The following SETBP1 variants were observed in gnomAD, a reference collection of about 807,000 sequenced individuals.
SETBP1 encodes the protein SET binding protein 1, also known as SET-binding protein.
SETBP1 carries 9 observed loss-of-function variants against 101.0 expected under a neutral mutation model. That is an observed-to-expected ratio of 0.09 (90% CI 0.05 to 0.16). SETBP1 has a LOEUF of 0.16. Ranked by LOEUF, SETBP1 falls within the 10% of genes least tolerant of loss-of-function variation. SETBP1 has a pLI of 1.00. For synonymous variants in SETBP1, 818 were observed against 788.5 expected (o/e 1.04, Z -0.63); for missense variants, 1,858 against 2,033.8 (o/e 0.91, Z 1.66).
chr18:45,044,693 C>G (rs1568047822), intron 5 of SETBP1, among the ~76,000 whole-genome samples: 1 of 152,156 alleles, frequency 6.6e-6, no homozygotes, highest in African/African-American at 2.4e-5. Flanking sequence ...AAATCTGAAC[C>G]AAATTTCAAC....
At chr18:44,940,408 TA>T (rs1599352195) in intron 3 of SETBP1, among the ~76,000 whole-genome samples, 2 of 152,228 alleles carry the variant, frequency 1.3e-5, no homozygotes, top group East Asian at 3.8e-4. Context: ...TTAAGTTTAC[TA>T]TGTTGCTTGT....
At chr18:44,759,765 A>G (rs2070598281) in intron 2 of SETBP1, among the ~76,000 whole-genome samples, 4 of 152,248 alleles carry the variant, frequency 2.6e-5, no homozygotes, top group Admixed American at 2.0e-4. Flanking sequence ...TTTGAGCCTC[A>G]CATTCCTGTG....
intron 4 of SETBP1, among the ~76,000 whole-genome samples, chr18:45,019,975 G>T (rs1204516435): frequency 1.3e-5 from 2 of 152,048 alleles, no homozygotes; most frequent in African/African-American, 4.8e-5. Context: ...ACATTTAGTT[G>T]TGAGACCTTT....
At chr18:44,774,228 G>A (rs2070943602) in intron 2 of SETBP1, among the ~76,000 whole-genome samples, 1 of 152,206 alleles carries the variant, frequency 6.6e-6, no homozygotes, top group South Asian at 2.1e-4. Flanking sequence ...TCCTGGCACA[G>A]TCAGGAGAGT....
chr18:44,804,255 A>T (rs2071678089), intron 2 of SETBP1, among the ~76,000 whole-genome samples: 1 of 152,134 alleles, frequency 6.6e-6, no homozygotes, highest in Non-Finnish European at 1.5e-5. Context: ...ATTTCCATTC[A>T]GGTTATGAGG....
intron 5 of SETBP1, among the ~76,000 whole-genome samples, chr18:45,048,769 G>A (rs372486240): frequency 1.3e-5 from 2 of 150,644 alleles, no homozygotes; most frequent in Non-Finnish European, 3.0e-5. Context: ...TCAGGAGATC[G>A]AGACCATCCT....
intron 3 of SETBP1, among the ~76,000 whole-genome samples, chr18:44,917,732 A>T (rs984388841): frequency 8.5e-5 from 13 of 152,074 alleles, no homozygotes; most frequent in Non-Finnish European, 2.9e-5. Context: ...TGTCTGTTTC[A>T]TGCAGCAAAG....
intron 4 of SETBP1, among the ~76,000 whole-genome samples, chr18:45,013,494 C>CAGTG (rs1555645174): frequency 2.6e-5 from 4 of 151,666 alleles, no homozygotes; most frequent in African/African-American, 9.7e-5. Flanking sequence ...GGCTGGAGTG[C>CAGTG]AGTGGTGTGA....
At chr18:44,978,539 C>A (rs543468377) in intron 4 of SETBP1, among the ~76,000 whole-genome samples, 2 of 152,294 alleles carry the variant, frequency 1.3e-5, no homozygotes, top group Non-Finnish European at 2.9e-5. Flanking sequence ...CTTATGATAT[C>A]TGCCTCTGCC....
intron 2 of SETBP1, among the ~76,000 whole-genome samples, chr18:44,827,984 G>A (rs1357990665): frequency 6.6e-6 from 1 of 152,192 alleles, no homozygotes; most frequent in Non-Finnish European, 1.5e-5. Context: ...AAGAAAGGTG[G>A]TAACACTGCT....
At chr18:44,730,227 G>T (rs530245648) in intron 2 of SETBP1, among the ~76,000 whole-genome samples, 56 of 152,236 alleles carry the variant, frequency 3.7e-4, no homozygotes, top group Middle Eastern at 3.4e-3. Flanking sequence ...TATAATATAG[G>T]TTCTGCCCTC....
At chr18:44,927,183 G>GTC (rs1489379986) in intron 3 of SETBP1, among the ~76,000 whole-genome samples, 1 of 152,168 alleles carries the variant, frequency 6.6e-6, no homozygotes, top group Non-Finnish European at 1.5e-5. Context: ...AAAGCACCAT[G>GTC]TCTCGTCTAT....
intron 3 of SETBP1, among the ~76,000 whole-genome samples, chr18:44,872,624 C>A (rs527281995): frequency 1.3e-5 from 2 of 152,246 alleles, no homozygotes; most frequent in African/African-American, 4.8e-5. Flanking sequence ...ATCCAGGATG[C>A]AAAGAGCATT....
At position 44,897,219 on chromosome 18, in the gene SETBP1, C is replaced by G. The variant is rs16978219; in HGVS notation, c.540+27936C>G. On this transcript the variant is annotated intron_variant, in intron 3 of 5. Coordinates refer to ENST00000649279, the MANE Select transcript of SETBP1 (RefSeq NM_015559.3). ...TGAAACCCAAATTGGTGAGGTGTGG[C>G]CCACAGTCTGTGGCCACATAACTCA... is the stretch of plus-strand genomic sequence containing the variant. Among the ~76,000 whole-genome samples the G allele has an allele frequency of 6.6e-5, 10 of 152,242 alleles. No homozygotes were observed. In the East Asian group the frequency reaches 1.7e-3, roughly 27 times the overall value.
At chr18:44,733,507 G>A (rs2144412295) in intron 2 of SETBP1, among the ~76,000 whole-genome samples, 1 of 152,246 alleles carries the variant, frequency 6.6e-6, no homozygotes, top group East Asian at 1.9e-4. Context: ...GGAGTCTGGT[G>A]TTTTCTTTCC....
At chr18:44,821,521 A>G (rs1212740550) in intron 2 of SETBP1, among the ~76,000 whole-genome samples, 2 of 152,182 alleles carry the variant, frequency 1.3e-5, no homozygotes, top group African/African-American at 2.4e-5. Context: ...TACCTCACCC[A>G]TGGCTGGACC....
chr18:44,930,108 C>A (rs182862150), intron 3 of SETBP1, among the ~76,000 whole-genome samples: 7 of 152,248 alleles, frequency 4.6e-5, no homozygotes, highest in Non-Finnish European at 7.3e-5. Flanking sequence ...GAGATACGTC[C>A]CACCAATACC....
At chr18:44,917,340 G>A (rs1445728611) in intron 3 of SETBP1, among the ~76,000 whole-genome samples, 1 of 152,206 alleles carries the variant, frequency 6.6e-6, no homozygotes, top group African/African-American at 2.4e-5. Flanking sequence ...TAGGGTCACT[G>A]CCTGGGGAGA....
chr18:44,917,664 G>C (rs376422109), intron 3 of SETBP1, among the ~76,000 whole-genome samples: 2 of 152,108 alleles, frequency 1.3e-5, no homozygotes, highest in Non-Finnish European at 2.9e-5. Context: ...TCGAGTTGTT[G>C]ATTTCTGAGT....
Sources: gnomAD v4.1 joint callset for allele counts (sites outside exome capture counted in the v4.1 genomes callset) on GRCh38, gnomAD v4.1.1 for gene constraint, MANE v1.5 for transcripts, NCBI Gene and HGNC (gene_info 2026-07-23, HGNC 2026-07-21) for gene names.